The following COL3A1 variants were observed in gnomAD, a reference collection of about 807,000 sequenced individuals.
COL3A1 encodes collagen alpha-1(III) chain.
COL3A1 carries 46 observed loss-of-function variants against 200.9 expected under a neutral mutation model. The ratio of observed to expected loss-of-function variants is 0.23; its 90% CI spans 0.18 to 0.29. The LOEUF (loss-of-function observed/expected upper bound fraction) is 0.29, where lower values mean the gene tolerates loss of function less well. Among genes scored for constraint, COL3A1 ranks in the 10% least tolerant of loss-of-function variants. The probability of loss-of-function intolerance (pLI) is 1.00; values close to 1 mark genes in which losing one functional copy is unlikely to be tolerated. For synonymous variants in COL3A1, 650 were observed against 628.0 expected (o/e 1.03, Z -0.52); for missense variants, 1,367 against 1,917.6 (o/e 0.71, Z 5.36).
intron 15 of COL3A1, 29 bp downstream of exon 15, chr2:188,992,969 A>G (rs769786396): frequency 1.9e-6 from 3 of 1,605,972 alleles, no homozygotes; most frequent in South Asian, 1.1e-5. Flanking sequence ...AGAAGGGTAT[A>G]AAAATATCTT....
At position 188,993,347 on chromosome 2, in the gene COL3A1, G is replaced by C. The variant is rs1688228268; in HGVS notation, c.1051-14G>C. 6.4e-7 allele frequency: 1 copy of C among 1,558,276 alleles called. No individual in the cohort carries two copies. Among genetic ancestry groups the C allele is most frequent in the Non-Finnish European group, 8.7e-7 (1 of 1,149,152 alleles). ...GTGGTAAGAGAAACTGACTACACAA[G>C]GTTTTACCATTAGGGTGAAGTTGGA... On this transcript the variant is annotated splice_polypyrimidine_tract_variant and intron_variant, in intron 15 of 50. Coordinates refer to ENST00000304636, the MANE Select transcript of COL3A1 (RefSeq NM_000090.4).
In COL3A1 at chr2:188,996,082, TATTTCATTTTAAATCACCTAACAACTG is replaced by T. The variant is rs1271365472; in HGVS notation, c.1609-41_1609-15del. On this transcript the variant is annotated splice_polypyrimidine_tract_variant and intron_variant, in intron 22 of 50. Transcript: ENST00000304636. ...AATAGTGTATGTAGTAATTTTTTATTATTTCATTTTAAATCACCTAACAACTGACTTCTTTACTTCAGGGCATGCCCG... is the reference window on the plus strand; with the variant it reads ...AATAGTGTATGTAGTAATTTTTTATTACTTCTTTACTTCAGGGCATGCCCG... 1 of 1,573,810 alleles carries T rather than the reference TATTTCATTTTAAATCACCTAACAACTG, an allele frequency of 6.4e-7. No homozygotes were observed. Among genetic ancestry groups the T allele is most frequent in the Non-Finnish European group, 8.7e-7 (1 of 1,144,228 alleles).
intron 1 of COL3A1, among the ~76,000 whole-genome samples, chr2:188,982,188 C>T (rs1213961254): frequency 6.6e-6 from 1 of 151,380 alleles, no homozygotes; most frequent in Non-Finnish European, 1.5e-5. Context: ...CTAAAATAAT[C>T]TTTATATTGA....
chr2:189,006,173 G>T, intron 41 of COL3A1, 33 bp from the exon 42 acceptor site: 1 of 1,612,510 alleles, frequency 6.2e-7, no homozygotes. Context: ...AAGGTTTCAA[G>T]AAATTTTATT....
chr2:188,990,230 A>G (rs1326312144), intron 9 of COL3A1, 77 bp from the exon 10 acceptor site: 18 of 1,585,794 alleles, frequency 1.1e-5, no homozygotes, highest in Middle Eastern at 3.3e-4. Flanking sequence ...ATTAAACTTA[A>G]AAACAGAAAG....
At chr2:189,008,874 G>A in intron 47 of COL3A1, 50 bp from the exon 48 acceptor site, 1 of 1,561,710 alleles carries the variant, frequency 6.4e-7, no homozygotes, top group African/African-American at 1.4e-5. Flanking sequence ...TATTCTTAGA[G>A]TGGCGACTGA....
In COL3A1 at chr2:188,994,090, G is replaced by C. The variant is rs1358769866; in HGVS notation, c.1194+8G>C. The C allele has an allele frequency of 3.1e-6, 5 of 1,613,978 alleles. No homozygotes were observed. Among genetic ancestry groups the C allele is most frequent in the Non-Finnish European group, 4.2e-6 (5 of 1,180,002 alleles). ...GGTGGTAAAGGCGAAATGGTAAGCTGTCCCCACTCCTCAGCCTTATCTCAT... is the reference window on the plus strand; with the variant it reads ...GGTGGTAAAGGCGAAATGGTAAGCTCTCCCCACTCCTCAGCCTTATCTCAT... On this transcript the variant is annotated splice_region_variant and intron_variant, in intron 17 of 50. Transcript: ENST00000304636. This position sits in a 1 kb window ranked among gnomAD's most constrained non-coding sequence, Gnocchi z 4.5.
chr2:189,011,553 T>C, intron 50 of COL3A1, 75 bp from the exon 51 acceptor site: 1 of 1,579,116 alleles, frequency 6.3e-7, no homozygotes, highest in Non-Finnish European at 8.7e-7. Context: ...AAAAAGGTTT[T>C]CTTTAACTTG....
chr2:188,999,336 C>T lies in COL3A1; in HGVS notation c.2074C>T (p.Pro692Ser). ...ERGPPGLAGA[P>S]GLRGGAGPPG... ...TGGACCTCCTGGATTGGCAGGGGCCCCAGGACTTAGAGGTGGAGCTGGTCC... is the reference window on the plus strand; with the variant it reads ...TGGACCTCCTGGATTGGCAGGGGCCTCAGGACTTAGAGGTGGAGCTGGTCC... Residue 692 changes from proline to serine, a missense_variant, in exon 30 of 51, where the codon CCA (proline) becomes TCA (serine). Transcript: ENST00000304636. The T allele has an allele frequency of 6.3e-7, 1 of 1,593,480 alleles. No individual in the cohort carries two copies. The highest frequency in any genetic ancestry group is 8.5e-7 in the Non-Finnish European group (1 of 1,169,626).
chr2:188,990,176 A>G, intron 9 of COL3A1, 27 bp downstream of exon 9: 1 of 1,611,558 alleles, frequency 6.2e-7, no homozygotes, highest in Non-Finnish European at 8.5e-7. Flanking sequence ...TAATAAATTA[A>G]TTGGAATAAT....
chr2:189,007,319 G>C (rs1232021039), intron 44 of COL3A1, among the ~76,000 whole-genome samples, 181 bp from the exon 45 acceptor site: 3 of 151,462 alleles, frequency 2.0e-5, no homozygotes, highest in Non-Finnish European at 4.4e-5. Context: ...TCCATGCAAT[G>C]ATCAGTCCAA....
chr2:188,985,620 CA>C, intron 3 of COL3A1, 44 bp from the exon 4 acceptor site: 1 of 1,223,612 alleles, frequency 8.2e-7, no homozygotes, highest in Non-Finnish European at 1.2e-6. Flanking sequence ...GATTGTGAAT[CA>C]CCAGGATTTT....
intron 43 of COL3A1, among the ~76,000 whole-genome samples, 159 bp from the exon 44 acceptor site, chr2:189,006,778 G>A (rs905010703): frequency 2.6e-5 from 4 of 152,130 alleles, no homozygotes; most frequent in African/African-American, 9.7e-5. Context: ...TATAAACAGG[G>A]CTTTAGCACT....
intron 38 of COL3A1, 68 bp from the exon 39 acceptor site, chr2:189,003,914 A>G: frequency 6.4e-7 from 1 of 1,563,992 alleles, no homozygotes; most frequent in South Asian, 1.2e-5. Flanking sequence ...TATTTGAAGT[A>G]AGTAAAAAAA....
In COL3A1 at chr2:189,011,728, C is replaced by T; in HGVS notation, c.4355C>T (p.Pro1452Leu). The T allele has an allele frequency of 6.2e-7, 1 of 1,613,940 alleles. No individual in the cohort carries two copies. Among genetic ancestry groups the T allele is most frequent in the Middle Eastern group, 1.6e-4 (1 of 6,062 alleles). ...VDIAPYDIGG[P>L]DQEFGVDVGP... is the part of the protein sequence containing the mutation. ...ATTGCACCCTATGACATTGGTGGTC[C>T]TGATCAAGAATTTGGTGTGGACGTT... is the stretch of plus-strand genomic sequence containing the variant. The change falls in exon 51 of 51, where the codon CCT (proline) becomes CTT (leucine). Residue 1452 changes from proline to leucine, a missense_variant. Pro to Leu is a moderately conservative substitution (Grantham distance 98, BLOSUM62 -3). Around this residue, in one of 5 missense-constraint regions of COL3A1, gnomAD observed 846 missense variants for 1,147.9 expected, o/e 0.74. Transcript: ENST00000304636.
intron 45 of COL3A1, 114 bp downstream of exon 45, chr2:189,007,721 T>C (rs1688626736): frequency 1.6e-6 from 2 of 1,252,778 alleles, no homozygotes; most frequent in Admixed American, 3.9e-5. Context: ...AGAAATGGAT[T>C]TGAAGGCTAA....
chr2:189,008,547 T>G (rs1688647671), intron 47 of COL3A1: 2 of 392,438 alleles, frequency 5.1e-6, no homozygotes, highest in Non-Finnish European at 9.4e-6. Flanking sequence ...TACTTTCTAT[T>G]CCATGCCTTT....
Position 188,997,731 on chromosome 2 carries a change from C to A in COL3A1, c.1901C>A (p.Pro634His). Residue 634 changes from proline (P) to histidine (H), a missense_variant, in exon 27 of 51, where the codon CCC becomes CAC. Pro to His is a moderately conservative substitution (Grantham distance 77, BLOSUM62 -2). Around this residue, in one of 5 missense-constraint regions of COL3A1, gnomAD observed 846 missense variants for 1,147.9 expected, o/e 0.74. Coordinates refer to ENST00000304636, the MANE Select transcript of COL3A1 (RefSeq NM_000090.4). ...GPGGDKGDTG[P>H]PGPQGLQGLP... ...GGTGGTGACAAAGGAGACACAGGAC[C>A]CCCTGGTCCACAAGGATTACAAGTA... 4 of 1,613,898 alleles carry A rather than the reference C, an allele frequency of 2.5e-6. No individual in the cohort carries two copies. The highest frequency in any genetic ancestry group is 3.4e-6 in the Non-Finnish European group (4 of 1,179,888).
intron 21 of COL3A1, 63 bp from the exon 22 acceptor site, chr2:188,995,629 A>T: frequency 8.8e-7 from 1 of 1,134,230 alleles, no homozygotes; most frequent in Middle Eastern, 2.2e-4. Flanking sequence ...TAACCAAAAT[A>T]TTGTTGCTAT....
Sources: allele counts gnomAD v4.1 joint callset (sites outside exome capture counted in the v4.1 genomes callset), GRCh38; gene constraint gnomAD v4.1.1; regional missense constraint gnomAD v4.1.1; non-coding constraint Gnocchi (gnomAD v3.1); transcripts MANE v1.5; gene names NCBI Gene and HGNC (gene_info 2026-07-23, HGNC 2026-07-21).